FBXO16: variants seen among roughly 807,000 people sequenced by gnomAD.
FBXO16 encodes the protein F-box protein 16.
Under a neutral mutation model 41.0 loss-of-function variants are expected in FBXO16, and 31 were observed. That is an observed-to-expected ratio of 0.76 (90% CI 0.57 to 1.02). The LOEUF (loss-of-function observed/expected upper bound fraction) is 1.02. Ranked by LOEUF, FBXO16 falls within the 50% of genes least tolerant of loss-of-function variation. The pLI is 0.00. For synonymous variants in FBXO16, 133 were observed against 117.8 expected, an observed-to-expected ratio of 1.13 and a Z score of -0.84; for missense variants, 361 against 346.2, an observed-to-expected ratio of 1.04 and a Z score of -0.34.
At chr8:28,447,090 A>C (rs770974141) in intron 7 of FBXO16, 81 bp downstream of exon 7, 98 of 1,299,860 alleles carry the variant, frequency 7.5e-5, no homozygotes, top group Non-Finnish European at 1.0e-4. Flanking sequence ...AAATAAATGA[A>C]TTCAATTTTG....
At chr8:28,442,190 G>A (rs1043520180) in intron 7 of FBXO16, among the ~76,000 whole-genome samples, 7 of 151,400 alleles carry the variant, frequency 4.6e-5, no homozygotes, top group African/African-American at 1.2e-4. Context: ...TGCCCTCCTC[G>A]GCCTCCCAAA....
intron 6 of FBXO16, among the ~76,000 whole-genome samples, chr8:28,450,580 CTA>C (rs1271573400): frequency 2.0e-5 from 3 of 152,190 alleles, no homozygotes; most frequent in African/African-American, 7.2e-5. Context: ...AATCTTTGCA[CTA>C]TCTCTTGATT....
intron 3 of FBXO16, among the ~76,000 whole-genome samples, chr8:28,468,208 C>G (rs753973158): frequency 6.6e-6 from 1 of 152,190 alleles, no homozygotes; most frequent in Non-Finnish European, 1.5e-5. Context: ...TTCTCCTATT[C>G]TAGCATCATG....
chr8:28,436,134 A>T (rs1397303626), intron 7 of FBXO16, among the ~76,000 whole-genome samples: 2 of 152,162 alleles, frequency 1.3e-5, no homozygotes, highest in African/African-American at 4.8e-5. Context: ...TCTTCTAAGA[A>T]GAAGGCCTAA....
chr8:28,483,409 G>T lies in FBXO16; in HGVS notation c.38C>A (p.Pro13His). 6.2e-7 allele frequency: 1 copy of T among 1,614,052 alleles called. No homozygotes were observed. The change falls in exon 2 of 9, where the codon CCC (proline) becomes CAC (histidine). Residue 13 changes from proline (P) to histidine (H), a missense_variant. Pro to His is a moderately conservative substitution (Grantham distance 77). Coordinates refer to ENST00000380254, the MANE Select transcript of FBXO16 (RefSeq NM_172366.4). ...AFAPPKNTDG[P>H]KMQTKMSTWT... ...GGTGCTCATCTTTGTCTGCATTTTGGGACCATCTGTGTTTTTTGGAGGTGC... is the reference window on the plus strand; with the variant it reads ...GGTGCTCATCTTTGTCTGCATTTTGTGACCATCTGTGTTTTTTGGAGGTGC...
At chr8:28,465,259 G>A in intron 3 of FBXO16, 1 of 201,700 alleles carries the variant, frequency 5.0e-6, no homozygotes, top group East Asian at 1.7e-4. Flanking sequence ...CCCATCAAAA[G>A]AACAGATAAG....
Position 28,447,288 on chromosome 8 carries a change from G to A in FBXO16, c.741-15C>T. The A allele has an allele frequency of 6.2e-7, 1 of 1,600,136 alleles. No individual in the cohort carries two copies. Among genetic ancestry groups the A allele is most frequent in the Non-Finnish European group, 8.5e-7 (1 of 1,170,908 alleles). ...TTTTTCTTCTTCTGTAAATTGGAAA[G>A]CAGTGGGAAAATTACAAAGTATCTT... On this transcript the variant is annotated splice_polypyrimidine_tract_variant and intron_variant, in intron 6 of 8. Transcript: ENST00000380254.
intron 7 of FBXO16, among the ~76,000 whole-genome samples, chr8:28,439,503 T>C (rs1457942495): frequency 6.6e-6 from 1 of 152,194 alleles, no homozygotes; most frequent in Non-Finnish European, 1.5e-5. Context: ...TTTGGGAAGC[T>C]GAGGCAGGAG....
intron 5 of FBXO16, among the ~76,000 whole-genome samples, chr8:28,456,349 T>C (rs987680847): frequency 6.6e-6 from 1 of 152,202 alleles, no homozygotes; most frequent in African/African-American, 2.4e-5. Flanking sequence ...TTATAAACGA[T>C]ACAAAAATAA....
intron 7 of FBXO16, among the ~76,000 whole-genome samples, chr8:28,441,955 T>A (rs1327313963): frequency 1.7e-4 from 23 of 135,856 alleles, no homozygotes; most frequent in African/African-American, 6.6e-4. Context: ...TATTTTTTTT[T>A]TTTTTTTTGA....
chr8:28,445,281 G>A (rs1978678), intron 7 of FBXO16, among the ~76,000 whole-genome samples: 48,620 of 151,718 alleles, frequency 0.32, 8,282 homozygotes, highest in East Asian at 0.59. Context: ...CTTAATTAGC[G>A]CAACTTTTTA....
At chr8:28,469,115 C>T (rs774485279) in intron 3 of FBXO16, among the ~76,000 whole-genome samples, 1 of 151,832 alleles carries the variant, frequency 6.6e-6, no homozygotes, top group Non-Finnish European at 1.5e-5. Flanking sequence ...TCGAGACCAG[C>T]CTGACCAACA....
Position 28,473,824 on chromosome 8 carries a change from A to G in FBXO16, c.100-17T>C, listed in dbSNP as rs1803375224. 1 of 1,581,576 alleles carries G rather than the reference A, an allele frequency of 6.3e-7. No individual in the cohort carries two copies. The highest frequency in any genetic ancestry group is 2.2e-5 in the East Asian group (1 of 44,636). On this transcript the variant is annotated splice_polypyrimidine_tract_variant and intron_variant, in intron 2 of 8. Coordinates refer to ENST00000380254, the MANE Select transcript of FBXO16 (RefSeq NM_172366.4). ...TTCAAATACCTACAGTAAGTAAAAA[A>G]GAATATGGTAATTTCATATACCATA...
chr8:28,479,620 G>A (rs896866662), intron 2 of FBXO16, among the ~76,000 whole-genome samples: 2 of 152,204 alleles, frequency 1.3e-5, no homozygotes, highest in Non-Finnish European at 2.9e-5. Context: ...AGTTTTGGTA[G>A]GGGAAGCAGA....
rs113892894 is a variant in FBXO16 at position 28,441,286 on chromosome 8, C to A, written c.843+5885G>T. Among the ~76,000 whole-genome samples the A allele has an allele frequency of 3.5e-3, 528 of 152,284 alleles. 2 individuals are homozygous for A. The highest frequency in any genetic ancestry group is 1.0e-2 in the African/African-American group (415 of 41,564). On this transcript the variant is annotated intron_variant, in intron 7 of 8. Coordinates refer to ENST00000380254, the MANE Select transcript of FBXO16 (RefSeq NM_172366.4). ...AGAAACAACAAATTCGTCCCCTAAT[C>A]TCTAGACCAGCAGGTTTTCCCTGCC...
chr8:28,460,384 A>C (rs1803112779), intron 4 of FBXO16, among the ~76,000 whole-genome samples: 1 of 143,926 alleles, frequency 6.9e-6, no homozygotes, highest in Admixed American at 7.2e-5. Context: ...TAGCCTCTCA[A>C]GTAGCTGGGA....
chr8:28,446,892 C>G lies in FBXO16; in HGVS notation c.843+279G>C, dbSNP rs1456307871. 5 of 219,978 alleles carry G rather than the reference C, an allele frequency of 2.3e-5. No individual in the cohort carries two copies. In the East Asian group the frequency reaches 3.1e-4, roughly 13 times the overall value. The allele number at this position is 219,978 out of a possible 1,614,324, so 13.6% of individuals were successfully genotyped here. On this transcript the variant is annotated intron_variant, in intron 7 of 8. Coordinates refer to ENST00000380254, the MANE Select transcript of FBXO16 (RefSeq NM_172366.4). ...TGTCTTAAACAAACAAACAAAAAAA[C>G]TCCCCTTATATCATACAGTTTTCAA...
chr8:28,457,349 A>C (rs982729565), intron 4 of FBXO16, among the ~76,000 whole-genome samples: 2 of 152,064 alleles, frequency 1.3e-5, no homozygotes, highest in African/African-American at 4.8e-5. Context: ...CACTTTTTTT[A>C]TTCTTTTCAT....
At chr8:28,432,924 G>A (rs530650164) in intron 7 of FBXO16, among the ~76,000 whole-genome samples, 1 of 152,138 alleles carries the variant, frequency 6.6e-6, no homozygotes, top group African/African-American at 2.4e-5. Context: ...AGCGGGGCGT[G>A]GTGGTGCACT....
Sources: gnomAD v4.1 joint callset for allele counts (sites outside exome capture counted in the v4.1 genomes callset) on GRCh38, gnomAD v4.1.1 for gene constraint, MANE v1.5 for transcripts, NCBI Gene and HGNC (gene_info 2026-07-23, HGNC 2026-07-21) for gene names.